Variants in ARHGEF11 observed in about 807,000 individuals in gnomAD.
ARHGEF11 encodes the protein Rho guanine exchange factor (GEF) 11.
A neutral mutation model predicts 193.7 loss-of-function variants in ARHGEF11; 55 were observed. That is an observed-to-expected ratio of 0.28 (90% CI 0.23 to 0.36). The LOEUF (loss-of-function observed/expected upper bound fraction) is 0.36. ARHGEF11 is among the 10% of genes least tolerant of loss of function. The pLI, the probability that ARHGEF11 is intolerant of heterozygous loss-of-function variation, is 1.00. For synonymous variants in ARHGEF11, 693 were observed against 768.0 expected (o/e 0.90, Z 1.62); for missense variants, 1,723 against 2,005.6 (o/e 0.86, Z 2.69).
chr1:157,046,237 A>ACCG (rs1307638466), upstream of ARHGEF11, among the ~76,000 whole-genome samples: 1 of 131,362 alleles, frequency 7.6e-6, no homozygotes, highest in African/African-American at 2.9e-5. Flanking sequence ...CGCCGCCGCC[A>ACCG]CCGCCACCGC....
intron 1 of ARHGEF11, among the ~76,000 whole-genome samples, chr1:157,016,566 T>C (rs1669256124): frequency 6.6e-6 from 1 of 152,220 alleles, no homozygotes. Context: ...TTAGGTTGTT[T>C]GGCGTCTGTT....
In ARHGEF11 at chr1:156,940,256, G is replaced by A; in HGVS notation, c.3684C>T (p.Phe1228=). The A allele has an allele frequency of 3.1e-6, 5 of 1,610,472 alleles. No homozygotes were observed. Among genetic ancestry groups the A allele is most frequent in the Non-Finnish European group, 4.2e-6 (5 of 1,177,444 alleles). Residue 1228 remains phenylalanine (F), a synonymous_variant, in exon 36 of 41, where the codon TTC becomes TTT. Transcript: ENST00000368194. ...GCCCTTCCATGAACAGAGGGCCTGG[G>A]AAGGCCAAGTGGATGGGGTTCCTTG... The part of the protein sequence containing the change: ...IRTRNPIHLA[F]PGPLFMEGLA...
intron 7 of ARHGEF11, among the ~76,000 whole-genome samples, chr1:156,974,096 G>T (rs1662920014): frequency 6.6e-6 from 1 of 151,566 alleles, no homozygotes; most frequent in South Asian, 2.1e-4. Context: ...TTGAGACAGG[G>T]TCTTGCTCTG....
intron 16 of ARHGEF11, 46 bp downstream of exon 16, chr1:156,959,000 C>T (rs1572408): frequency 1.0e-4 from 163 of 1,610,492 alleles, no homozygotes; most frequent in East Asian, 2.0e-4. Context: ...GGCCAAGAGG[C>T]GGAGGTGAAC....
chr1:156,958,834 C>A lies in ARHGEF11; in HGVS notation c.1410G>T (p.Leu470=), dbSNP rs780160451. 2.5e-6 allele frequency: 4 copies of A among 1,614,126 alleles called. No individual in the cohort carries two copies. The African/African-American group carries it at 5.3e-5, about 22-fold the overall frequency. The change falls in exon 17 of 41, where the codon CTG becomes CTT. Residue 470 remains leucine (L), a synonymous_variant. Transcript: ENST00000368194. ...GGTCCAGCAGGTCATTTTCACCATACAGGCTGCCCAGCCCCAGTGTGCGCT... is the reference window on the plus strand; with the variant it reads ...GGTCCAGCAGGTCATTTTCACCATAAAGGCTGCCCAGCCCCAGTGTGCGCT... ...RTKRTLGLGS[L]YGENDLLDLD...
At chr1:157,029,143 G>C (rs1288017229) in intron 1 of ARHGEF11, among the ~76,000 whole-genome samples, 1 of 148,030 alleles carries the variant, frequency 6.8e-6, no homozygotes, top group East Asian at 2.0e-4. Flanking sequence ...CTCCAGCCTA[G>C]GCAACTGAAG....
At chr1:156,946,603 G>A in intron 28 of ARHGEF11, 59 bp downstream of exon 28, 1 of 1,611,194 alleles carries the variant, frequency 6.2e-7, no homozygotes, top group Non-Finnish European at 8.5e-7. Flanking sequence ...AGAAGTTCAG[G>A]AGATCCTTGG....
chr1:156,955,549 C>T (rs995367683), intron 20 of ARHGEF11, among the ~76,000 whole-genome samples, 154 bp downstream of exon 20: 2 of 152,158 alleles, frequency 1.3e-5, no homozygotes, highest in African/African-American at 4.8e-5. Flanking sequence ...AGATCCTGCA[C>T]TGGATTTGGC....
chr1:156,996,545 G>C (rs1248437146), intron 1 of ARHGEF11, among the ~76,000 whole-genome samples: 1 of 151,890 alleles, frequency 6.6e-6, no homozygotes, highest in Non-Finnish European at 1.5e-5. Context: ...AAAAAGAGGC[G>C]GGCGGATCAC....
intron 1 of ARHGEF11, among the ~76,000 whole-genome samples, chr1:157,008,118 C>T (rs1246292415): frequency 6.6e-6 from 1 of 151,898 alleles, no homozygotes; most frequent in Non-Finnish European, 1.5e-5. Flanking sequence ...AACTCAAACT[C>T]GAAAATAATG....
At chr1:156,980,843 G>C (rs917200169) in intron 3 of ARHGEF11, among the ~76,000 whole-genome samples, 2 of 116,422 alleles carry the variant, frequency 1.7e-5, no homozygotes, top group Non-Finnish European at 3.5e-5. Context: ...CGGGGGGGGG[G>C]GGGGAAATGA....
intron 1 of ARHGEF11, among the ~76,000 whole-genome samples, chr1:156,999,769 C>T (rs1666981753): frequency 6.6e-6 from 1 of 152,150 alleles, no homozygotes; most frequent in South Asian, 2.1e-4. Flanking sequence ...TTGCCAGGGC[C>T]GAAGGGAAAG....
chr1:156,945,296 C>A, intron 29 of ARHGEF11, 99 bp from the exon 30 acceptor site: 1 of 1,398,956 alleles, frequency 7.1e-7, no homozygotes, highest in Non-Finnish European at 9.7e-7. Flanking sequence ...AGCTGGCTTG[C>A]TTCAAACCAG....
Position 156,940,382 on chromosome 1 carries a change from C to T in ARHGEF11, c.3558G>A (p.Leu1186=), listed in dbSNP as rs1455226211. The change falls in exon 36 of 41, where the codon CTG becomes CTA. Residue 1186 remains leucine, a synonymous_variant. Transcript: ENST00000368194. ...TGCCCTCCTGCTCAGGGTCCTCTAG[C>T]AGGACCTGGTGCTTCCCTTGGACCC... ...QQRVQGKHQV[L]LEDPEQEGSA... is the part of the protein sequence containing the mutation. 1 of 1,612,934 alleles carries T rather than the reference C, an allele frequency of 6.2e-7. No individual in the cohort carries two copies. The highest frequency in any genetic ancestry group is 2.2e-5 in the East Asian group (1 of 44,846).
intron 15 of ARHGEF11, among the ~76,000 whole-genome samples, chr1:156,959,806 T>C (rs1251478099): frequency 1.3e-5 from 2 of 152,096 alleles, no homozygotes; most frequent in African/African-American, 4.8e-5. Context: ...TGCCTCTCCT[T>C]AATTCTTCTA....
rs1553204878 is a variant in ARHGEF11 at position 156,959,943 on chromosome 1, C to CCAAA, written c.1282+474_1282+475insTTTG. ...AAAATAACCCCCCCTCCCCCCCCCC[C>CCAAA]AAAAAAAACAATAAGAAAAACCACT... On this transcript the variant is annotated intron_variant, in intron 15 of 40. Transcript: ENST00000368194. Among the ~76,000 whole-genome samples, 245 of 97,170 alleles carry CCAAA rather than the reference C, an allele frequency of 2.5e-3. 3 individuals are homozygous for CCAAA. The highest frequency in any genetic ancestry group is 4.4e-3 in the South Asian group (10 of 2,252). The allele number at this position is 97,170 out of a possible 152,430, so 63.7% of individuals were successfully genotyped here.
intron 1 of ARHGEF11, among the ~76,000 whole-genome samples, chr1:156,998,504 C>G (rs903026388): frequency 2.0e-5 from 3 of 152,180 alleles, no homozygotes; most frequent in Non-Finnish European, 4.4e-5. Flanking sequence ...TCAGTTTTCT[C>G]ATCTACAAAA....
intron 1 of ARHGEF11, among the ~76,000 whole-genome samples, chr1:157,039,391 C>G (rs1246061960): frequency 6.6e-6 from 1 of 152,234 alleles, no homozygotes; most frequent in Non-Finnish European, 1.5e-5. Context: ...ATTCACCCAG[C>G]TGCTAACAAA....
At position 156,958,875 on chromosome 1, in the gene ARHGEF11, T is replaced by C; in HGVS notation, c.1380-11A>G. On this transcript the variant is annotated splice_polypyrimidine_tract_variant and intron_variant, in intron 16 of 40. Coordinates refer to ENST00000368194, the MANE Select transcript of ARHGEF11 (RefSeq NM_198236.3). ...AGTGTGCGCTTCGTTCTAAGCCAGA[T>C]AAACACAGGGAAAGAAAGAAATATA... The C allele has an allele frequency of 6.2e-7, 1 of 1,613,994 alleles. No homozygotes were observed.
Sources: allele counts gnomAD v4.1 joint callset (sites outside exome capture counted in the v4.1 genomes callset), GRCh38; gene constraint gnomAD v4.1.1; transcripts MANE v1.5; gene names NCBI Gene and HGNC (gene_info 2026-07-23, HGNC 2026-07-21).